TFAP4: variants seen among roughly 807,000 people sequenced by gnomAD.
TFAP4 encodes the protein activating enhancer-binding protein 4.
In TFAP4, 7 loss-of-function variants were observed where a neutral mutation model predicts 40.4. The ratio of observed to expected loss-of-function variants is 0.17; its 90% confidence interval spans 0.10 to 0.33. The LOEUF (loss-of-function observed/expected upper bound fraction) is 0.33. Among genes scored for constraint, TFAP4 ranks in the 10% least tolerant of loss-of-function variants. TFAP4 has a pLI of 1.00. For missense variants in TFAP4, 374 were observed against 451.1 expected (o/e 0.83, Z 1.55); for synonymous variants, 218 against 181.4 (o/e 1.20, Z -1.62).
Position 4,268,450 on chromosome 16 carries a change from G to C in TFAP4, c.89+4208C>G, listed in dbSNP as rs938885456. Among the ~76,000 whole-genome samples, 45 of 152,122 alleles carry C rather than the reference G, an allele frequency of 3.0e-4. 1 individual carries two copies. Among genetic ancestry groups the C allele is most frequent in the African/African-American group, 9.2e-4 (38 of 41,420 alleles). ...CTGCTGAGGACAGGAGTCACATCCT[G>C]TTCATGGCTGTATCCTCAGTCCCGG... is the stretch of plus-strand genomic sequence containing the variant. On this transcript the variant is annotated intron_variant, in intron 1 of 6. Coordinates refer to ENST00000204517, the MANE Select transcript of TFAP4 (RefSeq NM_003223.3).
rs34634533 is a variant in TFAP4 at position 4,257,311 on chromosome 16, TAA to T, written c.*742_*743del. The T allele has an allele frequency of 2.5e-3, 283 of 114,754 alleles. 1 individual carries two copies. The highest frequency in any genetic ancestry group is 3.2e-3 in the Non-Finnish European group (181 of 55,830). The allele number at this position is 114,754 out of a possible 1,614,324, so 7.1% of individuals were successfully genotyped here. On this transcript the variant is annotated 3_prime_UTR_variant, in exon 7 of 7. Coordinates refer to ENST00000204517, the MANE Select transcript of TFAP4 (RefSeq NM_003223.3). ...CTTGAACACGAAGACCTCAAAATTG[TAA>T]AAAAAAAAAAAAAAGAAAGAAAAAA...
Position 4,262,622 on chromosome 16 carries a change from C to A in TFAP4, c.169G>T (p.Glu57Ter). ...TTGATGCTCTGCATGCGTCTCCGCT[C>A]GTTGCTGTTGGCGATCTCCCGCCGA... The part of the protein sequence containing the change: ...RIRREIANSN[E>*]RRRMQSINAG... The change falls in exon 2 of 7, where the codon GAG becomes TAG. Residue 57 changes from glutamate (E) to a stop codon, truncating the protein, a stop_gained. Coordinates refer to ENST00000204517, the MANE Select transcript of TFAP4 (RefSeq NM_003223.3). LOFTEE classifies it high-confidence loss of function. 6.2e-7 allele frequency: 1 copy of A among 1,611,720 alleles called. No homozygotes were observed.
chr16:4,261,700 G>C (rs1350828693), intron 4 of TFAP4, 79 bp downstream of exon 4: 29 of 1,425,348 alleles, frequency 2.0e-5, no homozygotes, highest in Non-Finnish European at 2.7e-5. Flanking sequence ...TCCACCGAGG[G>C]CCGCAGAGCA....
At chr16:4,268,448 C>T (rs1262102249) in intron 1 of TFAP4, among the ~76,000 whole-genome samples, 1 of 152,138 alleles carries the variant, frequency 6.6e-6, no homozygotes, top group Non-Finnish European at 1.5e-5. Context: ...GAGTCACATC[C>T]TGTTCATGGC....
chr16:4,261,237 G>C (rs1355408019), intron 4 of TFAP4, among the ~76,000 whole-genome samples: 2 of 151,808 alleles, frequency 1.3e-5, no homozygotes, highest in African/African-American at 4.8e-5. Context: ...CCCGCAAAGT[G>C]CTGGGATTAT....
chr16:4,260,804 G>A (rs368569984), intron 4 of TFAP4, among the ~76,000 whole-genome samples: 6 of 152,276 alleles, frequency 3.9e-5, no homozygotes, highest in South Asian at 4.1e-4. Flanking sequence ...CCTCCTGCCC[G>A]AGTCTTTGCC....
Position 4,260,237 on chromosome 16 carries a change from G to C in TFAP4, c.675C>G (p.Pro225=). ...TGGGGTGGTGGGTGGGGGCCGGAGGGGGCAGAAGCTGCAAGACAGAGGCCC... is the reference window on the plus strand; with the variant it reads ...TGGGGTGGTGGGTGGGGGCCGGAGGCGGCAGAAGCTGCAAGACAGAGGCCC... ...EQQQLRTQLL[P]PPAPTHHPTV... Residue 225 remains proline (P), a synonymous_variant, in exon 6 of 7, where the codon CCC becomes CCG. Coordinates refer to ENST00000204517, the MANE Select transcript of TFAP4 (RefSeq NM_003223.3). The C allele has an allele frequency of 6.4e-7, 1 of 1,563,230 alleles. No individual in the cohort carries two copies.
At chr16:4,267,297 G>T (rs552617268) in intron 1 of TFAP4, 3 of 152,380 alleles carry the variant, frequency 2.0e-5, no homozygotes, top group Non-Finnish European at 4.4e-5. Context: ...GCCTCCCAAA[G>T]TGCTGGGATT....
intron 1 of TFAP4, among the ~76,000 whole-genome samples, chr16:4,268,381 T>C (rs2053014162): frequency 6.6e-6 from 1 of 152,026 alleles, no homozygotes; most frequent in South Asian, 2.1e-4. Context: ...CCCATGAAAC[T>C]CTTAGGGGGT....
chr16:4,272,666 C>T lies in TFAP4; in HGVS notation c.81G>A (p.Gly27=), dbSNP rs375999150. The T allele has an allele frequency of 6.2e-7, 1 of 1,611,728 alleles. No homozygotes were observed. The highest frequency in any genetic ancestry group is 8.5e-7 in the Non-Finnish European group (1 of 1,178,704). The part of the protein sequence containing the change: ...FRKTEKEVIG[G]LCSLANIPLT... Reference sequence around the variant, plus strand: ...GGAGGAGGAGTACACACCTACAGAGCCCTCCTATCACTTCTTTCTCTGTTT... The same window carrying T: ...GGAGGAGGAGTACACACCTACAGAGTCCTCCTATCACTTCTTTCTCTGTTT... Residue 27 remains glycine (G), a synonymous_variant, in exon 1 of 7, where the codon GGG becomes GGA. Transcript: ENST00000204517.
chr16:4,263,464 C>G (rs2141092439), intron 1 of TFAP4: 1 of 152,360 alleles, frequency 6.6e-6, no homozygotes, highest in East Asian at 1.9e-4. Context: ...TTCAGCGTCT[C>G]AGGCTTTGCC....
chr16:4,267,346 T>C (rs1373135905), intron 1 of TFAP4, among the ~76,000 whole-genome samples: 4 of 152,218 alleles, frequency 2.6e-5, no homozygotes, highest in African/African-American at 4.8e-5. Flanking sequence ...ACCAAGGCTC[T>C]CTTGCTTCTT....
intron 1 of TFAP4, among the ~76,000 whole-genome samples, chr16:4,272,134 G>C (rs1479637051): frequency 6.6e-6 from 1 of 150,938 alleles, no homozygotes; most frequent in East Asian, 2.0e-4. Flanking sequence ...CCCCGCTGCA[G>C]CCCCGCTCTG....
At position 4,262,584 on chromosome 16, in the gene TFAP4, C is replaced by A. The variant is rs781131167; in HGVS notation, c.207G>T (p.Gln69His). 1 of 1,612,450 alleles carries A rather than the reference C, an allele frequency of 6.2e-7. No individual in the cohort carries two copies. Among genetic ancestry groups the A allele is most frequent in the Non-Finnish European group, 8.5e-7 (1 of 1,180,012 alleles). ...RRMQSINAGF[Q>H]SLKTLIPHTD... The stretch of plus-strand genomic sequence containing the variant: ...TGTGGGGGATGAGGGTCTTGAGGGA[C>A]TGGAATCCCGCGTTGATGCTCTGCA... Residue 69 changes from glutamine to histidine, a missense_variant, in exon 2 of 7, where the codon CAG becomes CAT. Transcript: ENST00000204517.
At chr16:4,269,299 C>T (rs567869132) in intron 1 of TFAP4, among the ~76,000 whole-genome samples, 1 of 151,538 alleles carries the variant, frequency 6.6e-6, no homozygotes, top group South Asian at 2.1e-4. Context: ...CGAGACCATC[C>T]TGGCTAACAC....
intron 1 of TFAP4, 105 bp downstream of exon 1, chr16:4,272,553 G>T: frequency 1.3e-6 from 1 of 758,416 alleles, no homozygotes; most frequent in Non-Finnish European, 1.9e-6. Context: ...AAAGGCTAGC[G>T]GGGTCGGCGG....
At chr16:4,270,537 C>T (rs576214921) in intron 1 of TFAP4, among the ~76,000 whole-genome samples, 1 of 152,332 alleles carries the variant, frequency 6.6e-6, no homozygotes, top group Admixed American at 6.5e-5. Flanking sequence ...TCCAGGGACC[C>T]CCAACTCCAT....
At chr16:4,261,488 C>G (rs2052947743) in intron 4 of TFAP4, among the ~76,000 whole-genome samples, 1 of 151,832 alleles carries the variant, frequency 6.6e-6, no homozygotes, top group Non-Finnish European at 1.5e-5. Flanking sequence ...GGGGTTTCAC[C>G]GTGTTAGCCA....
At chr16:4,269,807 C>T (rs887841724) in intron 1 of TFAP4, among the ~76,000 whole-genome samples, 2 of 119,584 alleles carry the variant, frequency 1.7e-5, no homozygotes, top group African/African-American at 6.4e-5. Context: ...GAGAGTCCAT[C>T]TCAAAACAAA....
Sources: allele counts gnomAD v4.1 joint callset (sites outside exome capture counted in the v4.1 genomes callset), GRCh38; gene constraint gnomAD v4.1.1; transcripts MANE v1.5; gene names NCBI Gene and HGNC (gene_info 2026-07-23, HGNC 2026-07-21).